Variants in GPC6 observed in about 807,000 individuals in gnomAD.
GPC6 encodes glypican-6.
GPC6 carries 14 observed loss-of-function variants against 55.2 expected under a neutral mutation model. The ratio of observed to expected loss-of-function variants is 0.25; its 90% CI spans 0.17 to 0.40. The LOEUF (loss-of-function observed/expected upper bound fraction) is 0.40. GPC6 is among the 10% of genes least tolerant of loss of function. The pLI is 1.00. For missense variants in GPC6, 641 were observed against 708.5 expected, an observed-to-expected ratio of 0.90 and a Z score of 1.08; for synonymous variants, 278 against 259.6, an observed-to-expected ratio of 1.07 and a Z score of -0.68.
intron 1 of GPC6, among the ~76,000 whole-genome samples, chr13:93,384,445 C>T (rs1019285195): frequency 7.4e-5 from 11 of 148,782 alleles, no homozygotes; most frequent in East Asian, 3.9e-4. Flanking sequence ...AGATTAGTAA[C>T]GTGATTGGAT....
At chr13:93,998,701 T>G (rs549037674) in intron 3 of GPC6, among the ~76,000 whole-genome samples, 2 of 152,054 alleles carry the variant, frequency 1.3e-5, no homozygotes, top group Non-Finnish European at 2.9e-5. Context: ...TTTAAAAAAT[T>G]AATTAATTTT....
intron 3 of GPC6, among the ~76,000 whole-genome samples, chr13:93,901,778 T>TAATCCCAGTAGTGCGTGCCTG (rs1876368063): frequency 6.6e-6 from 1 of 151,200 alleles, no homozygotes; most frequent in Admixed American, 6.6e-5. Context: ...GTGCGTGCCT[T>TAATCCCAGTAGTGCGTGCCTG]TAATCCCAGC....
intron 4 of GPC6, among the ~76,000 whole-genome samples, chr13:94,118,474 T>G (rs1886511979): frequency 6.6e-6 from 1 of 152,164 alleles, no homozygotes; most frequent in Non-Finnish European, 1.5e-5. Context: ...GAGAATGGAC[T>G]AATACAGAGA....
intron 3 of GPC6, among the ~76,000 whole-genome samples, chr13:93,928,837 C>G (rs562598380): frequency 6.7e-6 from 1 of 148,336 alleles, no homozygotes; most frequent in Admixed American, 6.7e-5. Context: ...AGAGGGCTTT[C>G]TGTTTGATCC....
intron 1 of GPC6, among the ~76,000 whole-genome samples, chr13:93,471,466 C>T (rs1351133918): frequency 6.6e-6 from 1 of 151,994 alleles, no homozygotes; most frequent in Non-Finnish European, 1.5e-5. Context: ...GGAGGCAGAG[C>T]TTGCAGATCT....
At chr13:93,640,816 TTTCCTTCCTTCCTTTG>T (rs1879899644) in intron 2 of GPC6, among the ~76,000 whole-genome samples, 1 of 58,430 alleles carries the variant, frequency 1.7e-5, no homozygotes, top group Non-Finnish European at 4.2e-5. Flanking sequence ...TCCTTCCTTC[TTTCCTTCCTTCCTTTG>T]TTCCTTCCTT....
At chr13:93,314,284 A>T (rs1273936113) in intron 1 of GPC6, among the ~76,000 whole-genome samples, 4 of 152,144 alleles carry the variant, frequency 2.6e-5, no homozygotes, top group African/African-American at 9.7e-5. Context: ...AAACCAAGCC[A>T]TTGTAGGTGA....
chr13:94,169,527 A>T (rs1195392616), intron 4 of GPC6, among the ~76,000 whole-genome samples: 1 of 152,186 alleles, frequency 6.6e-6, no homozygotes, highest in Non-Finnish European at 1.5e-5. Flanking sequence ...AAGGACAGTT[A>T]TTGTGTCTCT....
At chr13:93,226,591 T>A (rs548069435), upstream of GPC6, 1 of 152,254 alleles carries the variant, frequency 6.6e-6, no homozygotes, top group African/African-American at 2.4e-5. Flanking sequence ...CTTAATAACA[T>A]GTTAATGACT....
chr13:93,483,521 C>G (rs1268432257), intron 1 of GPC6, among the ~76,000 whole-genome samples: 1 of 152,028 alleles, frequency 6.6e-6, no homozygotes, highest in Non-Finnish European at 1.5e-5. Flanking sequence ...TCAATTATAT[C>G]TAAGATACTT....
chr13:93,314,256 T>C (rs1445133551), intron 1 of GPC6, among the ~76,000 whole-genome samples: 1 of 152,138 alleles, frequency 6.6e-6, no homozygotes, highest in Non-Finnish European at 1.5e-5. Flanking sequence ...ATCAAATATA[T>C]ACTTGACACA....
Position 93,874,409 on chromosome 13 carries a change from G to A in GPC6, c.711+43864G>A, listed in dbSNP as rs141626701. 2.0e-3 allele frequency among the ~76,000 whole-genome samples: 304 copies of A among 151,690 alleles called. 1 individual carries two copies. The highest frequency in any genetic ancestry group is 6.6e-3 in the African/African-American group (274 of 41,392). ...CTTTTTTATGGCTGCATAGCATTCCGTGGTGTATATGTACCATATTTTCTT... is the reference window on the plus strand; with the variant it reads ...CTTTTTTATGGCTGCATAGCATTCCATGGTGTATATGTACCATATTTTCTT... On this transcript the variant is annotated intron_variant, in intron 3 of 8. Transcript: ENST00000377047.
intron 1 of GPC6, among the ~76,000 whole-genome samples, chr13:93,443,585 G>A (rs1158759184): frequency 6.6e-6 from 1 of 152,158 alleles, no homozygotes; most frequent in African/African-American, 2.4e-5. Flanking sequence ...TTTAATGGAA[G>A]TCAGACTTGG....
At chr13:93,731,583 T>G (rs1883821898) in intron 2 of GPC6, among the ~76,000 whole-genome samples, 1 of 152,204 alleles carries the variant, frequency 6.6e-6, no homozygotes, top group South Asian at 2.1e-4. Context: ...TTGTATATAC[T>G]AAGGATAGTT....
intron 2 of GPC6, among the ~76,000 whole-genome samples, chr13:93,731,222 G>A (rs1486765102): frequency 2.0e-5 from 3 of 152,134 alleles, no homozygotes. Flanking sequence ...GTTGACAAGT[G>A]AGTTAGCTTT....
chr13:93,278,445 C>A (rs1380333875), intron 1 of GPC6, among the ~76,000 whole-genome samples: 2 of 152,128 alleles, frequency 1.3e-5, no homozygotes, highest in Non-Finnish European at 2.9e-5. Context: ...TTGCATCCAG[C>A]CCTTGGCAAC....
chr13:93,652,304 A>G (rs1228359173), intron 2 of GPC6, among the ~76,000 whole-genome samples: 3 of 152,140 alleles, frequency 2.0e-5, no homozygotes, highest in African/African-American at 7.2e-5. Flanking sequence ...ATGTTAATGC[A>G]TAGAACTCAA....
At chr13:94,259,272 A>C (rs1358888118) in intron 4 of GPC6, among the ~76,000 whole-genome samples, 2 of 152,212 alleles carry the variant, frequency 1.3e-5, no homozygotes, top group African/African-American at 4.8e-5. Context: ...AATAACCAAC[A>C]AGGAGAATGA....
chr13:94,054,195 G>C (rs954534134), intron 4 of GPC6, among the ~76,000 whole-genome samples: 1 of 151,626 alleles, frequency 6.6e-6, no homozygotes, highest in African/African-American at 2.4e-5. Context: ...CTCTGGAAAA[G>C]AATACCCGCC....
Sources: allele counts gnomAD v4.1 joint callset (sites outside exome capture counted in the v4.1 genomes callset), GRCh38; gene constraint gnomAD v4.1.1; transcripts MANE v1.5; gene names NCBI Gene and HGNC (gene_info 2026-07-23, HGNC 2026-07-21).